The following PTPRD variants were observed in gnomAD, a reference collection of about 807,000 sequenced individuals.
PTPRD encodes the protein receptor-type tyrosine-protein phosphatase delta.
Under a neutral mutation model 214.5 loss-of-function variants are expected in PTPRD, and 34 were observed. The observed-to-expected ratio is 0.16, with a 90% confidence interval of 0.12 to 0.21. The LOEUF is 0.21. PTPRD is among the 10% of genes least tolerant of loss of function. The pLI, the probability that PTPRD is intolerant of heterozygous loss-of-function variation, is 1.00. For synonymous variants in PTPRD, 1,128 were observed against 845.7 expected (o/e 1.33, Z -5.79); for missense variants, 2,545 against 2,398.7 (o/e 1.06, Z -1.27).
chr9:8,478,424 C>T (rs1233777442), intron 30 of PTPRD, among the ~76,000 whole-genome samples: 1 of 151,902 alleles, frequency 6.6e-6, no homozygotes, highest in Non-Finnish European at 1.5e-5. Context: ...CATAGAATAC[C>T]CTTATTCTTT....
chr9:9,902,242 T>C lies in PTPRD; in HGVS notation c.-368+36265A>G, dbSNP rs142296801. Among the ~76,000 whole-genome samples, 1,185 of 152,292 alleles carry C rather than the reference T, an allele frequency of 7.8e-3. 12 individuals are homozygous for C. The highest frequency in any genetic ancestry group is 0.027 in the African/African-American group (1,115 of 41,574). ...GTCTGTGCTCTCTATTTCTTTCTTA[T>C]CTATTTTTAATTTACAGTTATCTCA... On this transcript the variant is annotated intron_variant, in intron 5 of 45. Coordinates refer to ENST00000381196, the MANE Select transcript of PTPRD (RefSeq NM_002839.4).
intron 14 of PTPRD, among the ~76,000 whole-genome samples, chr9:8,595,880 G>A (rs1202895843): frequency 6.6e-6 from 1 of 152,120 alleles, no homozygotes; most frequent in Non-Finnish European, 1.5e-5. Context: ...AAGTTAGTAT[G>A]TCTTCAGTAG....
chr9:10,293,517 T>C (rs1012419515), intron 3 of PTPRD, among the ~76,000 whole-genome samples: 4 of 152,084 alleles, frequency 2.6e-5, no homozygotes, highest in Middle Eastern at 3.4e-3. Context: ...TATTAAATCA[T>C]GTTAGAAAAA....
At chr9:9,740,212 T>C (rs966574582) in intron 6 of PTPRD, among the ~76,000 whole-genome samples, 1 of 152,182 alleles carries the variant, frequency 6.6e-6, no homozygotes, top group African/African-American at 2.4e-5. Context: ...CCCACCATGA[T>C]TTGGGATTCA....
At chr9:10,326,869 C>G (rs1318557505) in intron 3 of PTPRD, among the ~76,000 whole-genome samples, 2 of 151,334 alleles carry the variant, frequency 1.3e-5, no homozygotes, top group Admixed American at 6.6e-5. Flanking sequence ...ATCAATAAGA[C>G]AAGCTCTTTA....
At chr9:10,064,231 AT>A (rs2097835647) in intron 3 of PTPRD, among the ~76,000 whole-genome samples, 2 of 151,896 alleles carry the variant, frequency 1.3e-5, no homozygotes, top group South Asian at 4.1e-4. Context: ...GCATTACAGT[AT>A]GGTGAATTGT....
At chr9:9,927,811 T>C (rs12350955) in intron 5 of PTPRD, among the ~76,000 whole-genome samples, 5,813 of 152,236 alleles carry the variant, frequency 0.038, 133 homozygotes, top group Non-Finnish European at 0.056. Context: ...GTCAATTTCA[T>C]TCTTCTAGCC....
chr9:10,256,357 C>G (rs187429456), intron 3 of PTPRD, among the ~76,000 whole-genome samples: 1 of 151,056 alleles, frequency 6.6e-6, no homozygotes, highest in Admixed American at 6.6e-5. Flanking sequence ...CAATGCCTTT[C>G]TCTGGAATAA....
chr9:8,460,001 G>T (rs1336242117), intron 33 of PTPRD, among the ~76,000 whole-genome samples: 4 of 152,076 alleles, frequency 2.6e-5, no homozygotes, highest in African/African-American at 9.7e-5. Flanking sequence ...ATTATGATAT[G>T]TATACAAATT....
intron 3 of PTPRD, among the ~76,000 whole-genome samples, chr9:10,177,545 G>C (rs538299792): frequency 6.6e-6 from 1 of 151,742 alleles, no homozygotes; most frequent in Non-Finnish European, 1.5e-5. Context: ...AGGCGGGACA[G>C]GAAGACCAGA....
chr9:9,067,802 T>C (rs1404069902), intron 10 of PTPRD, among the ~76,000 whole-genome samples: 1 of 152,228 alleles, frequency 6.6e-6, no homozygotes, highest in Non-Finnish European at 1.5e-5. Context: ...ATTGATCTTG[T>C]CTAGATTTTT....
At chr9:9,261,935 G>A (rs1265586757) in intron 9 of PTPRD, among the ~76,000 whole-genome samples, 1 of 151,602 alleles carries the variant, frequency 6.6e-6, no homozygotes, top group Non-Finnish European at 1.5e-5. Flanking sequence ...ACTAATAAAT[G>A]GACCTACCTG....
At chr9:9,478,123 C>G (rs1229999321) in intron 8 of PTPRD, among the ~76,000 whole-genome samples, 1 of 117,292 alleles carries the variant, frequency 8.5e-6, no homozygotes, top group Non-Finnish European at 1.9e-5. Context: ...TATGCGTAAA[C>G]CTTCTTTGGC....
intron 7 of PTPRD, among the ~76,000 whole-genome samples, chr9:9,595,418 A>C (rs535898924): frequency 6.7e-6 from 1 of 149,052 alleles, no homozygotes; most frequent in East Asian, 2.0e-4. Context: ...ATATATACAA[A>C]TGTACACATA....
chr9:9,423,971 A>T (rs1424647426), intron 8 of PTPRD, among the ~76,000 whole-genome samples: 1 of 152,240 alleles, frequency 6.6e-6, no homozygotes, highest in African/African-American at 2.4e-5. Context: ...TAAGGCAGTC[A>T]TTCTCCCAAG....
At chr9:9,804,102 T>C (rs933659948) in intron 5 of PTPRD, among the ~76,000 whole-genome samples, 4 of 152,124 alleles carry the variant, frequency 2.6e-5, no homozygotes, top group African/African-American at 9.6e-5. Flanking sequence ...ATGGCTGTTT[T>C]TGATCAGCTT....
At position 9,353,525 on chromosome 9, in the gene PTPRD, T is replaced by C. The variant is rs564837165; in HGVS notation, c.-203+43924A>G. ...CTATATATTGCAATCTTGAGTGATC[T>C]GGAAAAATGCGGTCATTTAATTTTG... On this transcript the variant is annotated intron_variant, in intron 9 of 45. Coordinates refer to ENST00000381196, the MANE Select transcript of PTPRD (RefSeq NM_002839.4). 8.8e-4 allele frequency among the ~76,000 whole-genome samples: 134 copies of C among 151,940 alleles called. 1 individual carries two copies. Among genetic ancestry groups the C allele is most frequent in the South Asian group, 4.2e-4 (2 of 4,812 alleles).
intron 2 of PTPRD, among the ~76,000 whole-genome samples, chr9:10,584,449 C>T (rs1050342148): frequency 6.6e-6 from 1 of 152,174 alleles, no homozygotes; most frequent in African/African-American, 2.4e-5. Flanking sequence ...AAAACACCTA[C>T]TTTGGTGCTG....
At chr9:9,044,955 G>T (rs894620608) in intron 10 of PTPRD, among the ~76,000 whole-genome samples, 4 of 152,102 alleles carry the variant, frequency 2.6e-5, no homozygotes, top group African/African-American at 9.7e-5. Flanking sequence ...CAATAATTTT[G>T]CTTATAAAAC....
Sources: gnomAD v4.1 joint callset for allele counts (sites outside exome capture counted in the v4.1 genomes callset) on GRCh38, gnomAD v4.1.1 for gene constraint, MANE v1.5 for transcripts, NCBI Gene and HGNC (gene_info 2026-07-23, HGNC 2026-07-21) for gene names.